NPAT: variants seen among roughly 807,000 people sequenced by gnomAD.
NPAT encodes protein NPAT.
Under a neutral mutation model 130.7 loss-of-function variants are expected in NPAT, and 52 were observed. That is an observed-to-expected ratio of 0.40 (90% CI 0.32 to 0.50). The LOEUF (loss-of-function observed/expected upper bound fraction) is 0.50. Ranked by LOEUF, NPAT falls within the 20% of genes least tolerant of loss-of-function variation. NPAT has a pLI of 0.68. For missense variants in NPAT, 1,687 were observed against 1,662.6 expected, an observed-to-expected ratio of 1.01 and a Z score of -0.26; for synonymous variants, 580 against 584.8, an observed-to-expected ratio of 0.99 and a Z score of 0.12.
intron 12 of NPAT, among the ~76,000 whole-genome samples, chr11:108,175,729 T>C (rs2077999401): frequency 6.6e-6 from 1 of 152,214 alleles, no homozygotes; most frequent in Non-Finnish European, 1.5e-5. Context: ...ATCAGATTTT[T>C]TACTGGTGGG....
intron 1 of NPAT, among the ~76,000 whole-genome samples, chr11:108,218,892 A>G (rs2098107591): frequency 6.6e-6 from 1 of 152,250 alleles, no homozygotes; most frequent in Non-Finnish European, 1.5e-5. Context: ...TTAGACAGCA[A>G]TGAGTACATA....
intron 6 of NPAT, among the ~76,000 whole-genome samples, chr11:108,188,815 A>G (rs1347596704): frequency 1.3e-5 from 2 of 152,226 alleles, no homozygotes; most frequent in African/African-American, 4.8e-5. Context: ...TATAATGTAC[A>G]TTCCATTTAA....
Position 108,161,217 on chromosome 11 carries a change from G to C in NPAT, c.3869C>G (p.Pro1290Arg), listed in dbSNP as rs764556431. The change falls in exon 17 of 18, where the codon CCC (proline) becomes CGC (arginine). Residue 1290 changes from proline to arginine, a missense_variant. This residue lies in a region of NPAT where 1,379 missense variants were observed against 1,346.6 expected (regional missense o/e 1.02). Transcript: ENST00000278612. Reference sequence around the variant, plus strand: ...GTCTTCACTGAAACGCCTACTAGAGGGGGCCTTGATAATATCTATAGGTTC... The same window carrying C: ...GTCTTCACTGAAACGCCTACTAGAGCGGGCCTTGATAATATCTATAGGTTC... ...KEEPIDIIKA[P>R]SSRRFSEDSS... 6.2e-7 allele frequency: 1 copy of C among 1,614,104 alleles called. No homozygotes were observed. Among genetic ancestry groups the C allele is most frequent in the Non-Finnish European group, 8.5e-7 (1 of 1,180,016 alleles).
In NPAT at chr11:108,177,101, G is replaced by A. The variant is rs1043385611; in HGVS notation, c.907-11C>T. The A allele has an allele frequency of 8.6e-6, 13 of 1,509,180 alleles. No homozygotes were observed. Among genetic ancestry groups the A allele is most frequent in the Non-Finnish European group, 1.2e-5 (13 of 1,085,624 alleles). 93.5% of individuals were successfully genotyped at this position (1,509,180 alleles called of 1,614,324 possible). On this transcript the variant is annotated splice_polypyrimidine_tract_variant and intron_variant, in intron 10 of 17. Coordinates refer to ENST00000278612, the MANE Select transcript of NPAT (RefSeq NM_002519.3). ...CATGTGAATTTCACTCTGCAAGAAA[G>A]GAGTGGCGTGAAGGCATGATTCTAA...
rs770762126 is a variant in NPAT, at chr11:108,186,588, GCTTTT to G, written c.639-24_639-20del. On this transcript the variant is annotated intron_variant, in intron 7 of 17. Transcript: ENST00000278612. ...AGATTCACTGAAACACATTTTAAAAGCTTTTCTTTTAACCACTATATTTAACAGAT... is the reference window on the plus strand; with the variant it reads ...AGATTCACTGAAACACATTTTAAAAGCTTTTAACCACTATATTTAACAGAT... 3.6e-5 allele frequency: 58 copies of G among 1,597,050 alleles called. No individual in the cohort carries two copies. Among genetic ancestry groups the G allele is most frequent in the Admixed American group, 6.7e-5 (4 of 59,956 alleles).
At chr11:108,176,407 G>T in intron 11 of NPAT, 33 bp from the exon 12 acceptor site, 2 of 1,435,084 alleles carry the variant, frequency 1.4e-6, no homozygotes, top group South Asian at 2.3e-5. Flanking sequence ...ATAATTAAAT[G>T]ACCAAAACAA....
chr11:108,197,973 C>T (rs1324687385), intron 1 of NPAT, among the ~76,000 whole-genome samples: 1 of 152,152 alleles, frequency 6.6e-6, no homozygotes, highest in African/African-American at 2.4e-5. Flanking sequence ...GAACATCAAC[C>T]TTAACTAGTG....
At chr11:108,174,616 T>C (rs1399209566) in intron 12 of NPAT, among the ~76,000 whole-genome samples, 3 of 128,154 alleles carry the variant, frequency 2.3e-5, no homozygotes, top group East Asian at 4.1e-4. Flanking sequence ...GAGTATTTCC[T>C]TTTTTTTTTT....
chr11:108,172,451 T>C lies in NPAT; in HGVS notation c.2533A>G (p.Lys845Glu). Reference sequence around the variant, plus strand: ...ATCAACTGTATATATCCTCCATCCTTGGAAACACATGGTGTAACATTAGCT... The same window carrying C: ...ATCAACTGTATATATCCTCCATCCTCGGAAACACATGGTGTAACATTAGCT... Reference protein sequence around the residue: ...FSANVTPCVSKDGGYIQLMPA... With the variant: ...FSANVTPCVSEDGGYIQLMPA... The change falls in exon 13 of 18, where the codon AAG becomes GAG. Residue 845 changes from lysine to glutamate, a missense_variant. By Grantham distance (56) the Lys-to-Glu change is moderately conservative. Coordinates refer to ENST00000278612, the MANE Select transcript of NPAT (RefSeq NM_002519.3). 6.2e-7 allele frequency: 1 copy of C among 1,614,160 alleles called. No homozygotes were observed. The highest frequency in any genetic ancestry group is 1.3e-5 in the African/African-American group (1 of 75,062).
rs1454817253 is a variant in NPAT at position 108,185,419 on chromosome 11, TTA to T, written c.800_801del (p.Ile267LysfsTer2). The T allele has an allele frequency of 1.2e-6, 2 of 1,606,534 alleles. No individual in the cohort carries two copies. Among genetic ancestry groups the T allele is most frequent in the Non-Finnish European group, 1.7e-6 (2 of 1,173,804 alleles). On this transcript the variant is annotated frameshift_variant, in exon 9 of 18. Transcript: ENST00000278612. LOFTEE classifies it high-confidence loss of function. The part of the protein sequence containing the change: ...KSLQEKLAEN[I>X]NKFLTSDNNI... ...ATAGCTTACCTAGTTAAAAATTTAT[TTA>T]TGTTTTCTGCTAGCTTTTCTTGAAG...
rs79728580 is a variant in NPAT, at chr11:108,189,025, G to A, written c.556+81C>T. 2.0e-3 allele frequency: 2,140 copies of A among 1,075,764 alleles called. 12 individuals are homozygous for A. The highest frequency in any genetic ancestry group is 0.018 in the African/African-American group (1,129 of 63,906). The allele number at this position is 1,075,764 out of a possible 1,614,324, so 66.6% of individuals were successfully genotyped here. ...GGGGGGGGCCATAATTTTACACTAT[G>A]AGTATAAAGACATTAGTATATTATC... On this transcript the variant is annotated intron_variant, in intron 6 of 17. Coordinates refer to ENST00000278612, the MANE Select transcript of NPAT (RefSeq NM_002519.3).
chr11:108,191,499 C>T (rs964772497), intron 4 of NPAT, among the ~76,000 whole-genome samples: 2 of 152,050 alleles, frequency 1.3e-5, no homozygotes, highest in African/African-American at 4.8e-5. Context: ...GATAAGACTA[C>T]CAAGTAAGAT....
At chr11:108,181,661 T>C (rs1049736665) in intron 10 of NPAT, among the ~76,000 whole-genome samples, 5 of 152,002 alleles carry the variant, frequency 3.3e-5, no homozygotes, top group Non-Finnish European at 7.4e-5. Context: ...AGTACCACAA[T>C]GTGCTTGTTG....
chr11:108,189,408 C>T, intron 5 of NPAT, 78 bp from the exon 6 acceptor site: 2 of 1,173,106 alleles, frequency 1.7e-6, no homozygotes, highest in Non-Finnish European at 2.6e-6. Context: ...TATGATGCAA[C>T]CTATTATATA....
At chr11:108,201,024 C>T (rs2078271211) in intron 1 of NPAT, among the ~76,000 whole-genome samples, 1 of 152,168 alleles carries the variant, frequency 6.6e-6, no homozygotes, top group South Asian at 2.1e-4. Flanking sequence ...TTCCTTTATC[C>T]TCAGGTGAAA....
intron 1 of NPAT, among the ~76,000 whole-genome samples, chr11:108,212,069 T>C (rs1346258922): frequency 6.6e-6 from 1 of 150,592 alleles, no homozygotes; most frequent in Non-Finnish European, 1.5e-5. Flanking sequence ...CATAGAGTTA[T>C]CTATTAAAAA....
At position 108,185,269 on chromosome 11, in the gene NPAT, T is replaced by C. The variant is rs1259525427; in HGVS notation, c.869A>G (p.Glu290Gly). The change falls in exon 10 of 18, where the codon GAG becomes GGG. Residue 290 changes from glutamate to glycine, a missense_variant. By Grantham distance (98) the Glu-to-Gly change is moderately conservative (BLOSUM62 -2). This residue lies in a region of NPAT where 1,379 missense variants were observed against 1,346.6 expected (regional missense o/e 1.02). Coordinates refer to ENST00000278612, the MANE Select transcript of NPAT (RefSeq NM_002519.3). Reference protein sequence around the residue: ...VPKQTDNNPTEPETSIDEFLG... With the variant: ...VPKQTDNNPTGPETSIDEFLG... ...GAATTCATCAATTGAAGTCTCTGGC[T>C]CCGTAGGGTTGTTATCTGTTTGCTT... is the stretch of plus-strand genomic sequence containing the variant. 1 of 1,612,558 alleles carries C rather than the reference T, an allele frequency of 6.2e-7. No individual in the cohort carries two copies.
intron 11 of NPAT, 30 bp downstream of exon 11, chr11:108,176,964 T>A (rs1390894712): frequency 1.4e-6 from 2 of 1,429,204 alleles, no homozygotes; most frequent in Non-Finnish European, 2.0e-6. Context: ...AAGCCTTTTT[T>A]TTCTGTCTTG....
At chr11:108,165,317 G>A (rs1349588527) in intron 15 of NPAT, among the ~76,000 whole-genome samples, 7 of 151,472 alleles carry the variant, frequency 4.6e-5, no homozygotes, top group Non-Finnish European at 8.8e-5. Flanking sequence ...GGTCTATGTT[G>A]CCCAGGCTGG....
Sources: gnomAD v4.1 joint callset for allele counts (sites outside exome capture counted in the v4.1 genomes callset) on GRCh38, gnomAD v4.1.1 for gene constraint, gnomAD v4.1.1 regional missense constraint, MANE v1.5 for transcripts, NCBI Gene and HGNC (gene_info 2026-07-23, HGNC 2026-07-21) for gene names.